Variants in LHFPL2 observed in about 807,000 individuals in gnomAD.
LHFPL2 encodes LHFPL tetraspan subfamily member 2.
In LHFPL2, 7 loss-of-function variants were observed where a neutral mutation model predicts 17.5. That is an observed-to-expected ratio of 0.40 (90% CI 0.23 to 0.75). The LOEUF (loss-of-function observed/expected upper bound fraction) is 0.75, where lower values mean the gene tolerates loss of function less well. Ranked by LOEUF, LHFPL2 falls within the 30% of genes least tolerant of loss-of-function variation. The pLI, the probability that LHFPL2 is intolerant of heterozygous loss-of-function variation, is 0.37. For synonymous variants in LHFPL2, 134 were observed against 116.2 expected, an observed-to-expected ratio of 1.15 and a Z score of -0.99; for missense variants, 241 against 294.8, an observed-to-expected ratio of 0.82 and a Z score of 1.34.
intron 3 of LHFPL2, among the ~76,000 whole-genome samples, chr5:78,536,211 G>C (rs374797191): frequency 6.8e-4 from 103 of 152,296 alleles, no homozygotes; most frequent in African/African-American, 2.4e-3. Flanking sequence ...GGCTGGGGAG[G>C]GGAGGATGCC....
intron 4 of LHFPL2, chr5:78,494,275 AT>A (rs761646079): frequency 5.5e-5 from 41 of 739,204 alleles, no homozygotes; most frequent in Non-Finnish European, 6.6e-5. Flanking sequence ...GGAAGAAGAA[AT>A]GGGGGGGAGA....
intron 1 of LHFPL2, among the ~76,000 whole-genome samples, chr5:78,634,564 T>G (rs116293116): frequency 0.028 from 4,328 of 152,308 alleles, 227 homozygotes; most frequent in African/African-American, 0.097. Context: ...TCAACGATCA[T>G]GGCTCTTCCA....
chr5:78,637,395 AG>A (rs201324597), intron 1 of LHFPL2, among the ~76,000 whole-genome samples: 1,021 of 88,468 alleles, frequency 0.012, 13 homozygotes, highest in African/African-American at 0.041. Flanking sequence ...GCTTGGGGGG[AG>A]GGGGGGAAGC....
Position 78,534,873 on chromosome 5 carries a change from G to T in LHFPL2, c.-185-24475C>A, listed in dbSNP as rs368488348. On this transcript the variant is annotated intron_variant, in intron 3 of 4. Transcript: ENST00000380345. ...GGGAGCGGGTAGAGGCAGGGGCAAG[G>T]CCTGGGGAGAAACACTGCCAAAGTC... Among the ~76,000 whole-genome samples the T allele has an allele frequency of 1.7e-3, 265 of 152,304 alleles. 1 individual carries two copies. Among genetic ancestry groups the T allele is most frequent in the African/African-American group, 5.9e-3 (247 of 41,548 alleles).
intron 1 of LHFPL2, among the ~76,000 whole-genome samples, chr5:78,635,872 T>C (rs745974836): frequency 1.9e-4 from 29 of 152,240 alleles, no homozygotes; most frequent in Non-Finnish European, 3.1e-4. Context: ...GGTACAATTA[T>C]GGTGTTTAGT....
chr5:78,546,063 G>A (rs11950379), intron 3 of LHFPL2, among the ~76,000 whole-genome samples: 58,898 of 151,962 alleles, frequency 0.39, 11,860 homozygotes, highest in Middle Eastern at 0.48. Flanking sequence ...TAATTTCTAC[G>A]GTACCACTAA....
Position 78,586,479 on chromosome 5 carries a change from AG to A in LHFPL2, c.-244-21609del, listed in dbSNP as rs1743406389. On this transcript the variant is annotated intron_variant, in intron 2 of 4. Transcript: ENST00000380345. ...CAGTAAGTGAAGCCCAGGCGCACTG[AG>A]TCATCACACAGCTGGTATACCACAG... Among the ~76,000 whole-genome samples the A allele has an allele frequency of 2.6e-5, 4 of 152,302 alleles. No homozygotes were observed. The South Asian group carries it at 6.2e-4, about 24-fold the overall frequency.
At chr5:78,613,899 T>C (rs1744503702) in intron 2 of LHFPL2, among the ~76,000 whole-genome samples, 1 of 152,148 alleles carries the variant, frequency 6.6e-6, no homozygotes, top group Admixed American at 6.5e-5. Context: ...AAGGACTGAT[T>C]ATATGAAGGA....
chr5:78,610,621 G>A (rs1580856025), intron 2 of LHFPL2, among the ~76,000 whole-genome samples: 2 of 152,134 alleles, frequency 1.3e-5, no homozygotes, highest in Admixed American at 6.5e-5. Flanking sequence ...AAAAGCCTAC[G>A]AATCCAAACA....
At chr5:78,615,144 C>T (rs1744554704) in intron 2 of LHFPL2, among the ~76,000 whole-genome samples, 1 of 152,188 alleles carries the variant, frequency 6.6e-6, no homozygotes, top group South Asian at 2.1e-4. Flanking sequence ...TCTCTATTCC[C>T]TGACAGCCTT....
chr5:78,639,513 T>C (rs1166492289), intron 1 of LHFPL2, among the ~76,000 whole-genome samples: 1 of 151,854 alleles, frequency 6.6e-6, no homozygotes, highest in Non-Finnish European at 1.5e-5. Context: ...TAATTATGAG[T>C]TTTCACTGCA....
At chr5:78,570,623 G>GTATA (rs938670300) in intron 2 of LHFPL2, among the ~76,000 whole-genome samples, 4 of 145,686 alleles carry the variant, frequency 2.7e-5, no homozygotes, top group Admixed American at 6.9e-5. Flanking sequence ...ATATATATAC[G>GTATA]TATATATATA....
chr5:78,544,141 C>T (rs887298709), intron 3 of LHFPL2, among the ~76,000 whole-genome samples: 3 of 152,188 alleles, frequency 2.0e-5, no homozygotes, highest in African/African-American at 7.2e-5. Flanking sequence ...GGCAGCTTCC[C>T]ACGTGGCTGT....
At chr5:78,495,861 G>A (rs1262831934) in intron 4 of LHFPL2, among the ~76,000 whole-genome samples, 1 of 152,176 alleles carries the variant, frequency 6.6e-6, no homozygotes. Context: ...GGTTATAGGA[G>A]TGGGATGCTG....
chr5:78,605,103 T>C (rs1279503746), intron 2 of LHFPL2, among the ~76,000 whole-genome samples: 2 of 152,244 alleles, frequency 1.3e-5, no homozygotes, highest in African/African-American at 4.8e-5. Context: ...AAGAAAAGGC[T>C]GTCCAGCCCC....
At chr5:78,643,693 A>C (rs865846133) in intron 1 of LHFPL2, among the ~76,000 whole-genome samples, 6 of 152,232 alleles carry the variant, frequency 3.9e-5, no homozygotes, top group African/African-American at 1.4e-4. Flanking sequence ...CTGTGCACCA[A>C]CGACAGCCTG....
At chr5:78,498,532 T>A (rs1754678297) in intron 4 of LHFPL2, among the ~76,000 whole-genome samples, 1 of 152,166 alleles carries the variant, frequency 6.6e-6, no homozygotes, top group African/African-American at 2.4e-5. Flanking sequence ...TCTTTTACAA[T>A]ATCCTAAGGC....
At chr5:78,583,022 TC>T (rs1743207532) in intron 2 of LHFPL2, among the ~76,000 whole-genome samples, 1 of 152,254 alleles carries the variant, frequency 6.6e-6, no homozygotes, top group Non-Finnish European at 1.5e-5. Context: ...GTTGAATTTA[TC>T]CCTTTAGCAT....
intron 2 of LHFPL2, among the ~76,000 whole-genome samples, chr5:78,595,452 T>C (rs1288790026): frequency 1.1e-4 from 16 of 152,174 alleles, no homozygotes. Flanking sequence ...GAACAATGTC[T>C]CAGTGTGGGA....
Sources: gnomAD v4.1 joint callset for allele counts (sites outside exome capture counted in the v4.1 genomes callset) on GRCh38, gnomAD v4.1.1 for gene constraint, MANE v1.5 for transcripts, NCBI Gene and HGNC (gene_info 2026-07-23, HGNC 2026-07-21) for gene names.